The following ZFHX3 variants were observed in gnomAD, a reference collection of about 807,000 sequenced individuals.
The protein encoded by ZFHX3 is zinc finger homeobox 3.
Under a neutral mutation model 279.1 loss-of-function variants are expected in ZFHX3, and 42 were observed. The observed-to-expected ratio is 0.15, with a 90% CI of 0.12 to 0.19. ZFHX3 has a LOEUF of 0.19. ZFHX3 is among the 10% of genes least tolerant of loss of function. The probability of loss-of-function intolerance (pLI) is 1.00; values close to 1 mark genes in which losing one functional copy is unlikely to be tolerated. For missense variants in ZFHX3, 4,981 were observed against 4,754.0 expected (o/e 1.05, Z -1.40); for synonymous variants, 2,293 against 1,957.8 (o/e 1.17, Z -4.52).
chr16:73,386,256 C>A (rs1222826771), intron 3 of ZFHX3, among the ~76,000 whole-genome samples: 1 of 152,028 alleles, frequency 6.6e-6, no homozygotes, highest in Non-Finnish European at 1.5e-5. Context: ...CAACTTTCAA[C>A]TAGTAAGCAG....
At chr16:73,772,190 C>G (rs1262521550) in intron 1 of ZFHX3, among the ~76,000 whole-genome samples, 1 of 152,168 alleles carries the variant, frequency 6.6e-6, no homozygotes, top group Non-Finnish European at 1.5e-5. Flanking sequence ...GTGTACTAGT[C>G]TGTTTTCACA....
intron 4 of ZFHX3, among the ~76,000 whole-genome samples, chr16:73,312,414 C>T (rs2015348047): frequency 6.6e-6 from 1 of 152,124 alleles, no homozygotes; most frequent in African/African-American, 2.4e-5. Flanking sequence ...TCTTCTAAAT[C>T]TTAGAGTTGT....
upstream of ZFHX3, among the ~76,000 whole-genome samples, chr16:73,064,355 G>C (rs567585900): frequency 7.3e-4 from 111 of 152,204 alleles, 1 homozygote; most frequent in South Asian, 0.023. Context: ...AGGGCCAAGA[G>C]CAGACCAGCT....
At chr16:73,058,555 C>T in exon 1 of ZFHX3, 1 of 189,950 alleles carries the variant, frequency 5.3e-6, no homozygotes, top group Non-Finnish European at 1.0e-5. Context: ...GCGGCGGCGG[C>T]TGCAGCGGCG....
intron 2 of ZFHX3, among the ~76,000 whole-genome samples, chr16:73,672,288 A>G (rs2142186127): frequency 6.6e-6 from 1 of 152,316 alleles, no homozygotes; most frequent in Admixed American, 6.5e-5. Flanking sequence ...AAGGCAAGAT[A>G]TACAAAACCA....
intron 1 of ZFHX3, among the ~76,000 whole-genome samples, chr16:73,681,081 T>C (rs2053005446): frequency 1.3e-5 from 2 of 152,208 alleles, no homozygotes; most frequent in South Asian, 4.1e-4. Context: ...TCTGGTCTTG[T>C]GGGAGAGAAT....
chr16:72,982,913 G>A (rs1411699577), intron 1 of ZFHX3, among the ~76,000 whole-genome samples: 1 of 152,200 alleles, frequency 6.6e-6, no homozygotes, highest in Non-Finnish European at 1.5e-5. Context: ...TCATGAAGGA[G>A]GCTGAACTCA....
intron 3 of ZFHX3, among the ~76,000 whole-genome samples, chr16:73,414,680 T>G (rs2017535398): frequency 6.6e-6 from 1 of 151,950 alleles, no homozygotes; most frequent in African/African-American, 2.4e-5. Flanking sequence ...CTACAAAAAT[T>G]TAAAATAATC....
intron 3 of ZFHX3, among the ~76,000 whole-genome samples, chr16:72,893,688 A>C (rs2144094823): frequency 6.6e-6 from 1 of 152,322 alleles, no homozygotes; most frequent in South Asian, 2.1e-4. Flanking sequence ...ATGCATTACA[A>C]ATAGTGGAGA....
At chr16:73,175,177 C>G (rs1221835930) in intron 5 of ZFHX3, among the ~76,000 whole-genome samples, 1 of 152,012 alleles carries the variant, frequency 6.6e-6, no homozygotes, top group South Asian at 2.1e-4. Flanking sequence ...GTCAGGAGTT[C>G]GAGACCAGCC....
At chr16:73,321,720 C>T (rs1430990353) in intron 3 of ZFHX3, among the ~76,000 whole-genome samples, 1 of 152,234 alleles carries the variant, frequency 6.6e-6, no homozygotes, top group African/African-American at 2.4e-5. Context: ...AACTTGCCTT[C>T]TTCTGCTAGA....
intron 1 of ZFHX3, among the ~76,000 whole-genome samples, chr16:73,714,337 G>A (rs1307477471): frequency 6.6e-6 from 1 of 152,162 alleles, no homozygotes; most frequent in Non-Finnish European, 1.5e-5. Context: ...GGGGGCAGAT[G>A]TCAGACAACA....
At chr16:73,002,439 G>A (rs981186821) in intron 1 of ZFHX3, among the ~76,000 whole-genome samples, 5 of 152,012 alleles carry the variant, frequency 3.3e-5, no homozygotes, top group African/African-American at 1.2e-4. Flanking sequence ...TACCAGAATC[G>A]ACATATCACA....
At chr16:73,044,572 A>G (rs550532331) in intron 1 of ZFHX3, among the ~76,000 whole-genome samples, 28 of 150,702 alleles carry the variant, frequency 1.9e-4, no homozygotes, top group Non-Finnish European at 3.5e-4. Context: ...TAGAGCTGAG[A>G]AACAAGTGAG....
At chr16:73,653,179 A>C (rs560762949) in intron 2 of ZFHX3, among the ~76,000 whole-genome samples, 38 of 152,306 alleles carry the variant, frequency 2.5e-4, no homozygotes, top group African/African-American at 8.9e-4. Flanking sequence ...TAATTATTGG[A>C]TGGACAGAAA....
rs567407516 is a variant in ZFHX3 at position 72,960,409 on chromosome 16, C to T, written c.-49-215G>A. Among the ~76,000 whole-genome samples the T allele has an allele frequency of 1.8e-4, 28 of 152,290 alleles. No homozygotes were observed. In the East Asian group the frequency reaches 4.3e-3, roughly 23 times the overall value. On this transcript the variant is annotated intron_variant, in intron 1 of 9. Transcript: ENST00000268489. ...GGCATGGCCGGGTCAACAGCCTGAGCGAGGGATATGGGGAAAGAAGGCCAG... is the reference window on the plus strand; with the variant it reads ...GGCATGGCCGGGTCAACAGCCTGAGTGAGGGATATGGGGAAAGAAGGCCAG...
intron 3 of ZFHX3, among the ~76,000 whole-genome samples, chr16:72,917,203 T>G (rs986477510): frequency 2.0e-5 from 3 of 152,176 alleles, no homozygotes; most frequent in Non-Finnish European, 4.4e-5. Context: ...ATCACACCAC[T>G]GCACTCCAGA....
In ZFHX3 at chr16:72,798,697, C is replaced by G; in HGVS notation, c.3985G>C (p.Gly1329Arg). 1.3e-6 allele frequency: 2 copies of G among 1,558,336 alleles called. No individual in the cohort carries two copies. Among genetic ancestry groups the G allele is most frequent in the Admixed American group, 2.1e-5 (1 of 47,702 alleles). ...CTTGCGGATGGCAAGATGTTCTTTC[C>G]CAGATCCTCTGAGGTTTCTGTTAAA... ...GKQPETSEDL[G>R]KNILPSASTE... The change falls in exon 9 of 10, where the codon GGA becomes CGA. Residue 1329 changes from glycine (G) to arginine (R), a missense_variant. Gly to Arg is a moderately radical substitution (Grantham distance 125, BLOSUM62 -2). Around this residue, in one of 7 missense-constraint regions of ZFHX3, gnomAD observed 1,751 missense variants for 1,770.0 expected, o/e 0.99. Transcript: ENST00000268489.
intron 2 of ZFHX3, among the ~76,000 whole-genome samples, chr16:73,631,300 C>T (rs564850666): frequency 7.2e-5 from 11 of 152,270 alleles, no homozygotes; most frequent in African/African-American, 2.4e-4. Context: ...ATGGTATTTT[C>T]TTTAACAACT....
Sources: gnomAD v4.1 joint callset for allele counts (sites outside exome capture counted in the v4.1 genomes callset) on GRCh38, gnomAD v4.1.1 for gene constraint, gnomAD v4.1.1 regional missense constraint, MANE v1.5 for transcripts, NCBI Gene and HGNC (gene_info 2026-07-23, HGNC 2026-07-21) for gene names.